FRAS1: variants seen among roughly 807,000 people sequenced by gnomAD.
The protein encoded by FRAS1 is extracellular matrix organizing protein FRAS1.
FRAS1 carries 290 observed loss-of-function variants against 435.2 expected under a neutral mutation model. The ratio of observed to expected loss-of-function variants is 0.67; its 90% CI spans 0.61 to 0.73. The LOEUF (loss-of-function observed/expected upper bound fraction) is 0.73. Ranked by LOEUF, FRAS1 falls within the 30% of genes least tolerant of loss-of-function variation. The pLI is 0.00. For missense variants in FRAS1, 4,860 were observed against 5,001.5 expected (o/e 0.97, Z 0.85); for synonymous variants, 1,800 against 1,851.0 (o/e 0.97, Z 0.71).
chr4:78,391,645 T>G (rs192540365), intron 29 of FRAS1, among the ~76,000 whole-genome samples: 1 of 152,322 alleles, frequency 6.6e-6, no homozygotes, highest in South Asian at 2.1e-4. Context: ...CTGAACTTCT[T>G]TGTTACTCTT....
chr4:78,284,341 A>G (rs1445872355), intron 12 of FRAS1, 64 bp from the exon 13 acceptor site: 14 of 1,496,848 alleles, frequency 9.4e-6, no homozygotes, highest in Non-Finnish European at 1.3e-5. Flanking sequence ...TCTTTTCTGA[A>G]GGATGTAAGA....
chr4:78,416,709 A>G (rs940378829), intron 32 of FRAS1, among the ~76,000 whole-genome samples: 25 of 152,174 alleles, frequency 1.6e-4, no homozygotes, highest in African/African-American at 5.6e-4. Flanking sequence ...AGGTCATTGT[A>G]GGAACTTAGC....
chr4:78,509,605 T>C (rs1720968326), intron 63 of FRAS1, among the ~76,000 whole-genome samples: 1 of 152,168 alleles, frequency 6.6e-6, no homozygotes, highest in Non-Finnish European at 1.5e-5. Context: ...TGGGAGGCCA[T>C]GAAAAGACAT....
In FRAS1 at chr4:78,387,571, A is replaced by T; in HGVS notation, c.3845A>T (p.Asp1282Val). The T allele has an allele frequency of 6.2e-7, 1 of 1,613,742 alleles. No individual in the cohort carries two copies. The highest frequency in any genetic ancestry group is 8.5e-7 in the Non-Finnish European group (1 of 1,179,820). Residue 1282 changes from aspartate (D) to valine (V), a missense_variant, in exon 29 of 74, where the codon GAT becomes GTT. Physicochemically the swap from Asp to Val is radical, Grantham distance 152. Transcript: ENST00000512123. ...ACCCCTATCTATCAATTCCAGCTGG[A>T]TGAACTCTCTAGAGGCCTTCTCCAC... ...PATPIYQFQL[D>V]ELSRGLLHYA...
chr4:78,347,230 T>C (rs1413983426), intron 20 of FRAS1, among the ~76,000 whole-genome samples: 1 of 152,210 alleles, frequency 6.6e-6, no homozygotes, highest in Non-Finnish European at 1.5e-5. Flanking sequence ...CTCTTCCATA[T>C]TGCAATCACT....
chr4:78,187,045 A>G (rs1275602932), intron 2 of FRAS1, among the ~76,000 whole-genome samples: 1 of 152,258 alleles, frequency 6.6e-6, no homozygotes, highest in African/African-American at 2.4e-5. Context: ...GTGTTGCCTC[A>G]TTTAAAGAGA....
In FRAS1 at chr4:78,208,093, G is replaced by A. The variant is rs1578185711; in HGVS notation, c.109-29417G>A. Among the ~76,000 whole-genome samples the A allele has an allele frequency of 2.0e-5, 3 of 152,204 alleles. No individual in the cohort carries two copies. The South Asian group carries it at 6.2e-4, about 32-fold the overall frequency. On this transcript the variant is annotated intron_variant, in intron 2 of 73. Coordinates refer to ENST00000512123, the MANE Select transcript of FRAS1 (RefSeq NM_025074.7). ...ACTGTGCTGGTATCCACAGCTGAGAGACCTACAGACGGTTCATATCACAGG... is the reference window on the plus strand; with the variant it reads ...ACTGTGCTGGTATCCACAGCTGAGAAACCTACAGACGGTTCATATCACAGG...
At chr4:78,185,879 G>A (rs145364191) in intron 2 of FRAS1, among the ~76,000 whole-genome samples, 83 of 152,162 alleles carry the variant, frequency 5.5e-4, no homozygotes, top group Non-Finnish European at 1.0e-3. Context: ...GCTTAATTTG[G>A]CATTTTCTAT....
chr4:78,260,466 T>C (rs1578212412), intron 6 of FRAS1, among the ~76,000 whole-genome samples: 1 of 152,152 alleles, frequency 6.6e-6, no homozygotes. Flanking sequence ...TTTGAAGCAA[T>C]TGTGAACGGG....
At chr4:78,070,866 T>G (rs1016887087) in intron 2 of FRAS1, 10 of 152,220 alleles carry the variant, frequency 6.6e-5, no homozygotes, top group African/African-American at 2.4e-4. Flanking sequence ...AGATGAACTA[T>G]TTACTTCTCA....
chr4:78,488,969 T>C lies in FRAS1; in HGVS notation c.8847T>C (p.Tyr2949=), dbSNP rs752357954. ...TCACTCGGAGCGGAGACCTGAGCTA[T>C]GAGTCATCAGTGAGGTGCTATACTC... is the stretch of plus-strand genomic sequence containing the variant. The part of the protein sequence containing the change: ...VPITRSGDLS[Y]ESSVRCYTQS... The change falls in exon 59 of 74, where the codon TAT becomes TAC. Residue 2949 remains tyrosine, a synonymous_variant. Coordinates refer to ENST00000512123, the MANE Select transcript of FRAS1 (RefSeq NM_025074.7). 2 of 1,613,722 alleles carry C rather than the reference T, an allele frequency of 1.2e-6. No individual in the cohort carries two copies. Among genetic ancestry groups the C allele is most frequent in the South Asian group, 1.1e-5 (1 of 91,074 alleles).
At chr4:78,334,408 G>T (rs1159256742) in intron 19 of FRAS1, among the ~76,000 whole-genome samples, 1 of 115,300 alleles carries the variant, frequency 8.7e-6, no homozygotes, top group Non-Finnish European at 1.6e-5. Context: ...GTCTTGCTCC[G>T]TCACCAGGCT....
rs1264191039 is a variant in FRAS1, at chr4:78,308,174, G to C, written c.1643G>C (p.Gly548Ala). 1 of 1,613,814 alleles carries C rather than the reference G, an allele frequency of 6.2e-7. No individual in the cohort carries two copies. Among genetic ancestry groups the C allele is most frequent in the Admixed American group, 1.7e-5 (1 of 60,000 alleles). Reference sequence around the variant, plus strand: ...GATGGCGGCTGTGAGAGCAGCTGTGGAAAAGGCTTCTACAACAGGCAGGGC... The same window carrying C: ...GATGGCGGCTGTGAGAGCAGCTGTGCAAAAGGCTTCTACAACAGGCAGGGC... ...LRDGGCESSCGKGFYNRQGTC... is the reference protein window; with the variant it reads ...LRDGGCESSCAKGFYNRQGTC... The change falls in exon 15 of 74, where the codon GGA (glycine) becomes GCA (alanine). Residue 548 changes from glycine (G) to alanine (A), a missense_variant. Transcript: ENST00000512123.
In FRAS1 at chr4:78,429,236, G is replaced by A; in HGVS notation, c.4843+10G>A. On this transcript the variant is annotated intron_variant, in intron 36 of 73. Transcript: ENST00000512123. ...GGCAGCACTTCTGTAGGTAAGAACT[G>A]GGAGCCTGATAGAAACATGGCTTTG... 1 of 1,602,044 alleles carries A rather than the reference G, an allele frequency of 6.2e-7. No individual in the cohort carries two copies. Among genetic ancestry groups the A allele is most frequent in the Non-Finnish European group, 8.5e-7 (1 of 1,173,806 alleles).
rs34696928 is a variant in FRAS1, at chr4:78,494,855, T to C, written c.8959-1950T>C. 6.5e-3 allele frequency among the ~76,000 whole-genome samples: 996 copies of C among 152,280 alleles called. 10 individuals are homozygous for C. The highest frequency in any genetic ancestry group is 0.011 in the Non-Finnish European group (722 of 68,024). On this transcript the variant is annotated intron_variant, in intron 59 of 73. Coordinates refer to ENST00000512123, the MANE Select transcript of FRAS1 (RefSeq NM_025074.7). ...AGACTTGAATGAGAATTTTGTTGGA[T>C]ATACAATCAGTTTATCAAAATCAAT...
At chr4:78,488,853 G>C (rs1405848963) in intron 58 of FRAS1, 22 bp from the exon 59 acceptor site, 2 of 1,606,286 alleles carry the variant, frequency 1.2e-6, no homozygotes, top group Non-Finnish European at 1.7e-6. Flanking sequence ...TGGTGCGTCT[G>C]TCTTTCTGTC....
intron 40 of FRAS1, among the ~76,000 whole-genome samples, chr4:78,439,554 G>A (rs1560728749): frequency 6.6e-6 from 1 of 152,158 alleles, no homozygotes; most frequent in Non-Finnish European, 1.5e-5. Context: ...CATCAGCTGA[G>A]TGACCTTGGG....
intron 6 of FRAS1, among the ~76,000 whole-genome samples, chr4:78,258,138 C>T (rs113161033): frequency 0.012 from 1,783 of 151,958 alleles, 24 homozygotes; most frequent in African/African-American, 0.035. Flanking sequence ...CCCAGGAGTT[C>T]GAGACCATCC....
At chr4:78,137,388 TG>T (rs2109992160) in intron 2 of FRAS1, among the ~76,000 whole-genome samples, 1 of 152,308 alleles carries the variant, frequency 6.6e-6, no homozygotes, top group African/African-American at 2.4e-5. Flanking sequence ...TATATAAATA[TG>T]TATACATATA....
Sources: allele counts gnomAD v4.1 joint callset (sites outside exome capture counted in the v4.1 genomes callset), GRCh38; gene constraint gnomAD v4.1.1; transcripts MANE v1.5; gene names NCBI Gene and HGNC (gene_info 2026-07-23, HGNC 2026-07-21).